HS6ST3: variants seen among roughly 807,000 people sequenced by gnomAD.
HS6ST3 encodes the protein heparan sulfate 6-O-sulfotransferase 3.
HS6ST3 carries 12 observed loss-of-function variants against 36.7 expected under a neutral mutation model. That is an observed-to-expected ratio of 0.33 (90% CI 0.21 to 0.53). The LOEUF (loss-of-function observed/expected upper bound fraction) is 0.53. HS6ST3 is among the 20% of genes least tolerant of loss of function. The probability of loss-of-function intolerance (pLI) is 0.95; values close to 1 mark genes in which losing one functional copy is unlikely to be tolerated. For missense variants in HS6ST3, 584 were observed against 640.9 expected, an observed-to-expected ratio of 0.91 and a Z score of 0.96; for synonymous variants, 240 against 257.5, an observed-to-expected ratio of 0.93 and a Z score of 0.65.
At chr13:96,153,623 A>G (rs562718467) in intron 1 of HS6ST3, among the ~76,000 whole-genome samples, 39 of 152,338 alleles carry the variant, frequency 2.6e-4, no homozygotes, top group Non-Finnish European at 4.9e-4. Context: ...TGCAAATATC[A>G]CAAAAGTGAG....
At chr13:96,185,606 G>A (rs1242063141) in intron 1 of HS6ST3, among the ~76,000 whole-genome samples, 1 of 152,186 alleles carries the variant, frequency 6.6e-6, no homozygotes, top group Non-Finnish European at 1.5e-5. Context: ...ATCAAGACGA[G>A]TTTATACCTA....
intron 1 of HS6ST3, among the ~76,000 whole-genome samples, chr13:96,473,953 C>T (rs748267917): frequency 7.2e-5 from 11 of 152,108 alleles, no homozygotes; most frequent in Non-Finnish European, 1.5e-4. Context: ...TGTTTTCACC[C>T]GGTAGAATGG....
intron 1 of HS6ST3, among the ~76,000 whole-genome samples, chr13:96,508,660 A>G (rs915485920): frequency 6.6e-6 from 1 of 152,142 alleles, no homozygotes; most frequent in African/African-American, 2.4e-5. Flanking sequence ...TACTTCACTT[A>G]GAATAATGGC....
At chr13:96,452,816 C>T (rs566941322) in intron 1 of HS6ST3, among the ~76,000 whole-genome samples, 47 of 151,930 alleles carry the variant, frequency 3.1e-4, no homozygotes, top group Admixed American at 9.2e-4. Flanking sequence ...TTTTTTATTT[C>T]CCCCCCAGGG....
chr13:96,577,708 A>C (rs1047112814), intron 1 of HS6ST3, among the ~76,000 whole-genome samples: 2 of 152,204 alleles, frequency 1.3e-5, no homozygotes, highest in Non-Finnish European at 2.9e-5. Context: ...TTCTCAAAAG[A>C]AGACATTTAT....
intron 1 of HS6ST3, among the ~76,000 whole-genome samples, chr13:96,501,121 AAG>A (rs957495564): frequency 2.6e-5 from 4 of 152,112 alleles, no homozygotes; most frequent in Non-Finnish European, 5.9e-5. Flanking sequence ...CTAAAAGAGG[AAG>A]AGAGAAAGAT....
At chr13:96,776,058 A>G (rs1419855064) in intron 1 of HS6ST3, among the ~76,000 whole-genome samples, 2 of 152,228 alleles carry the variant, frequency 1.3e-5, no homozygotes, top group African/African-American at 2.4e-5. Context: ...GCACAACTAC[A>G]TGGAAACTGA....
chr13:96,648,431 A>T (rs766555044), intron 1 of HS6ST3, among the ~76,000 whole-genome samples: 5 of 150,448 alleles, frequency 3.3e-5, no homozygotes, highest in African/African-American at 9.8e-5. Context: ...TGGTAATTTC[A>T]TCTTGTCTCA....
At position 96,573,041 on chromosome 13, in the gene HS6ST3, C is replaced by T. The variant is rs554894301; in HGVS notation, c.708-259449C>T. ...GTTATAATGAATCCTCACCCTAACT[C>T]AAGGACATGGTGCAGAGAAAAGAAC... On this transcript the variant is annotated intron_variant, in intron 1 of 1. Transcript: ENST00000376705. 2.6e-5 allele frequency among the ~76,000 whole-genome samples: 4 copies of T among 152,268 alleles called. No individual in the cohort carries two copies. In the South Asian group the frequency reaches 8.3e-4, roughly 32 times the overall value.
chr13:96,480,763 A>G (rs1201315933), intron 1 of HS6ST3, among the ~76,000 whole-genome samples: 4 of 152,088 alleles, frequency 2.6e-5, no homozygotes, highest in African/African-American at 9.7e-5. Context: ...TTTGCAGGGA[A>G]GTTTAGTGCG....
chr13:96,465,185 T>G (rs1247814141), intron 1 of HS6ST3, among the ~76,000 whole-genome samples: 1 of 152,192 alleles, frequency 6.6e-6, no homozygotes, highest in African/African-American at 2.4e-5. Flanking sequence ...GAAAACACTT[T>G]GGTATCACTT....
intron 1 of HS6ST3, among the ~76,000 whole-genome samples, chr13:96,360,370 G>T (rs1313217048): frequency 1.3e-5 from 2 of 152,000 alleles, no homozygotes; most frequent in African/African-American, 4.8e-5. Context: ...ACAGAACAAA[G>T]GAAATTAATA....
chr13:96,799,339 A>T (rs922072061), intron 1 of HS6ST3, among the ~76,000 whole-genome samples: 11 of 151,926 alleles, frequency 7.2e-5, no homozygotes, highest in African/African-American at 2.7e-4. Context: ...TGTGGTTTTG[A>T]TTTGCATTTC....
chr13:96,670,123 A>G (rs1336095), intron 1 of HS6ST3, among the ~76,000 whole-genome samples: 12,709 of 152,254 alleles, frequency 0.083, 678 homozygotes, highest in Admixed American at 0.16. Flanking sequence ...GAAGACTAAG[A>G]AGGAGCAAGG....
intron 1 of HS6ST3, among the ~76,000 whole-genome samples, chr13:96,729,498 C>A (rs1876089179): frequency 6.6e-6 from 1 of 152,086 alleles, no homozygotes; most frequent in African/African-American, 2.4e-5. Context: ...ATGCCATTGC[C>A]CAAGCTGGAG....
intron 1 of HS6ST3, among the ~76,000 whole-genome samples, chr13:96,751,783 C>CATATATACATATGTGTGTATGTGTATAT (rs2138492800): frequency 6.6e-6 from 1 of 151,120 alleles, no homozygotes; most frequent in Admixed American, 6.6e-5. Flanking sequence ...TGTACATATA[C>CATATATACATATGTGTGTATGTGTATAT]ATATATACAT....
At chr13:96,155,811 T>C (rs552433817) in intron 1 of HS6ST3, among the ~76,000 whole-genome samples, 4 of 152,324 alleles carry the variant, frequency 2.6e-5, no homozygotes, top group African/African-American at 9.6e-5. Flanking sequence ...TCTGAGTGAA[T>C]AGGAAGGAAT....
At chr13:96,202,769 C>T (rs1223673064) in intron 1 of HS6ST3, among the ~76,000 whole-genome samples, 1 of 152,200 alleles carries the variant, frequency 6.6e-6, no homozygotes, top group Non-Finnish European at 1.5e-5. Flanking sequence ...GGATTTGTGA[C>T]TGACTTGCCC....
At chr13:96,691,740 C>A (rs1242509015) in intron 1 of HS6ST3, among the ~76,000 whole-genome samples, 1 of 151,980 alleles carries the variant, frequency 6.6e-6, no homozygotes, top group African/African-American at 2.4e-5. Context: ...AGATAAATAG[C>A]AAATTTGGAT....
Sources: allele counts gnomAD v4.1 joint callset (sites outside exome capture counted in the v4.1 genomes callset), GRCh38; gene constraint gnomAD v4.1.1; transcripts MANE v1.5; gene names NCBI Gene and HGNC (gene_info 2026-07-23, HGNC 2026-07-21).